GALNT14: variants seen among roughly 807,000 people sequenced by gnomAD.
GALNT14 encodes polypeptide N-acetylgalactosaminyltransferase 14.
In GALNT14, 60 loss-of-function variants were observed where a neutral mutation model predicts 77.5. The observed-to-expected ratio is 0.77, with a 90% CI of 0.63 to 0.96. The LOEUF (loss-of-function observed/expected upper bound fraction) is 0.96. Among genes scored for constraint, GALNT14 ranks in the 40% least tolerant of loss-of-function variants. The probability of loss-of-function intolerance (pLI) is 0.00; values close to 1 mark genes in which losing one functional copy is unlikely to be tolerated. For synonymous variants in GALNT14, 280 were observed against 281.7 expected (o/e 0.99, Z 0.06); for missense variants, 710 against 731.0 (o/e 0.97, Z 0.33).
intron 2 of GALNT14, among the ~76,000 whole-genome samples, chr2:30,975,455 A>C (rs1319870729): frequency 6.6e-6 from 1 of 152,254 alleles, no homozygotes; most frequent in Non-Finnish European, 1.5e-5. Flanking sequence ...AATATGCCCA[A>C]GATGTCAAGC....
Position 31,062,227 on chromosome 2 carries a change from C to A in GALNT14, c.130-69220G>T, listed in dbSNP as rs574563426. Among the ~76,000 whole-genome samples, 256 of 152,240 alleles carry A rather than the reference C, an allele frequency of 1.7e-3. 8 individuals carry two copies. Among genetic ancestry groups the A allele is most frequent in the South Asian group, 1.0e-2 (48 of 4,822 alleles). ...CTCCCTCCCTTTGACCCCCACCTCC[C>A]GACAGACCCCAGTGTGTGATGTTCC... On this transcript the variant is annotated intron_variant, in intron 1 of 14. Transcript: ENST00000349752.
intron 13 of GALNT14, among the ~76,000 whole-genome samples, chr2:30,922,177 A>G (rs1665071926): frequency 6.6e-6 from 1 of 152,082 alleles, no homozygotes; most frequent in South Asian, 2.1e-4. Flanking sequence ...GTCTTGAGTC[A>G]CAAGTGAGTT....
chr2:30,950,281 A>T (rs796354827), intron 6 of GALNT14, among the ~76,000 whole-genome samples: 62 of 150,836 alleles, frequency 4.1e-4, no homozygotes, highest in African/African-American at 1.2e-3. Context: ...GCTTATGTTT[A>T]AAAAAAAACC....
chr2:30,905,782 A>G (rs1366683622), downstream of GALNT14, among the ~76,000 whole-genome samples: 21 of 149,464 alleles, frequency 1.4e-4, no homozygotes, highest in Non-Finnish European at 2.4e-4. Context: ...AGTTGAAATG[A>G]AGGAAAAAAT....
intron 1 of GALNT14, among the ~76,000 whole-genome samples, chr2:31,102,569 T>C (rs142151985): frequency 1.3e-5 from 2 of 152,194 alleles, no homozygotes; most frequent in African/African-American, 4.8e-5. Flanking sequence ...TGTTCCCTAA[T>C]AGATGGTCAA....
intron 1 of GALNT14, among the ~76,000 whole-genome samples, chr2:31,035,753 C>T (rs12712301): frequency 0.34 from 50,741 of 151,288 alleles, 8,591 homozygotes; most frequent in Admixed American, 0.45. Flanking sequence ...CAAACTAACA[C>T]AGGAACAGAA....
chr2:30,933,820 T>A (rs529264479), intron 9 of GALNT14, among the ~76,000 whole-genome samples: 1 of 152,338 alleles, frequency 6.6e-6, no homozygotes, highest in South Asian at 2.1e-4. Flanking sequence ...CCTGATTTGC[T>A]CTTATGTCAA....
In GALNT14 at chr2:31,133,729, A is replaced by C. The variant is rs185400204; in HGVS notation, c.129+4229T>G. Among the ~76,000 whole-genome samples the C allele has an allele frequency of 1.4e-4, 21 of 152,348 alleles. No homozygotes were observed. In the East Asian group the frequency reaches 2.1e-3, roughly 15 times the overall value. ...CAAACAAATGATAGGGAGAGAAGAA[A>C]TTAAAACATTTTTCAGCTACTTTTA... On this transcript the variant is annotated intron_variant, in intron 1 of 14. Coordinates refer to ENST00000349752, the MANE Select transcript of GALNT14 (RefSeq NM_024572.4).
chr2:31,014,325 C>T (rs1054071620), intron 1 of GALNT14, among the ~76,000 whole-genome samples: 2 of 152,196 alleles, frequency 1.3e-5, no homozygotes, highest in African/African-American at 4.8e-5. Flanking sequence ...GCTAGTGAGG[C>T]TCTGGGCTCT....
intron 1 of GALNT14, among the ~76,000 whole-genome samples, chr2:31,083,285 G>A (rs954251657): frequency 1.2e-4 from 19 of 152,270 alleles, no homozygotes; most frequent in African/African-American, 2.6e-4. Context: ...GGGATCAGAG[G>A]GGGGTGGAAG....
In GALNT14 at chr2:31,118,975, T is replaced by A. The variant is rs185682619; in HGVS notation, c.129+18983A>T. Among the ~76,000 whole-genome samples the A allele has an allele frequency of 1.7e-3, 258 of 152,254 alleles. 1 individual carries two copies. Among genetic ancestry groups the A allele is most frequent in the African/African-American group, 5.9e-3 (246 of 41,552 alleles). On this transcript the variant is annotated intron_variant, in intron 1 of 14. Coordinates refer to ENST00000349752, the MANE Select transcript of GALNT14 (RefSeq NM_024572.4). ...GTCTTTTAATTAGTGGGGGAAGTGA[T>A]GGCTTATTTAATTAATGATGTTGAC... is the stretch of plus-strand genomic sequence containing the variant.
intron 1 of GALNT14, among the ~76,000 whole-genome samples, chr2:31,024,097 C>CA (rs60383956): frequency 0.43 from 65,514 of 151,750 alleles, 14,345 homozygotes; most frequent in East Asian, 0.55. Context: ...CAGCCTTGAA[C>CA]AAGGCATCAC....
chr2:31,056,198 A>G (rs1458637538), intron 1 of GALNT14, among the ~76,000 whole-genome samples: 1 of 152,130 alleles, frequency 6.6e-6, no homozygotes, highest in Non-Finnish European at 1.5e-5. Context: ...AAGCTTCCCA[A>G]GTGATTCCAA....
chr2:31,016,602 C>T (rs181941242), intron 1 of GALNT14, among the ~76,000 whole-genome samples: 85 of 152,188 alleles, frequency 5.6e-4, no homozygotes, highest in Non-Finnish European at 9.0e-4. Flanking sequence ...TGGCTGCAAA[C>T]TTCTACAGAG....
intron 13 of GALNT14, among the ~76,000 whole-genome samples, chr2:30,918,712 G>T (rs1664847604): frequency 7.1e-6 from 1 of 141,832 alleles, no homozygotes; most frequent in Non-Finnish European, 1.5e-5. Context: ...GGCAGGGAGG[G>T]TGGCATCGGG....
intron 1 of GALNT14, among the ~76,000 whole-genome samples, chr2:31,078,041 G>C (rs1230142631): frequency 2.6e-5 from 4 of 152,212 alleles, no homozygotes; most frequent in African/African-American, 4.8e-5. Flanking sequence ...CAGAAGCTGA[G>C]GACATTGCTA....
At chr2:30,925,087 G>A (rs1665288413) in intron 11 of GALNT14, among the ~76,000 whole-genome samples, 1 of 152,206 alleles carries the variant, frequency 6.6e-6, no homozygotes, top group South Asian at 2.1e-4. Flanking sequence ...GATGGAATTT[G>A]GGGGTGTTTT....
intron 1 of GALNT14, among the ~76,000 whole-genome samples, chr2:31,034,332 T>C (rs1480082176): frequency 6.6e-6 from 1 of 152,226 alleles, no homozygotes; most frequent in South Asian, 2.1e-4. Flanking sequence ...TCTGGAACAC[T>C]GCCACCAAAA....
the GALNT14 span, among the ~76,000 whole-genome samples, chr2:30,896,012 C>G: frequency 6.6e-6 from 1 of 152,204 alleles, no homozygotes; most frequent in African/African-American, 2.4e-5. Flanking sequence ...TGGGCAACCT[C>G]GACCAGTTAT....
Sources: allele counts gnomAD v4.1 joint callset (sites outside exome capture counted in the v4.1 genomes callset), GRCh38; gene constraint gnomAD v4.1.1; transcripts MANE v1.5; gene names NCBI Gene and HGNC (gene_info 2026-07-23, HGNC 2026-07-21).